Variants in CAAP1 observed in about 807,000 individuals in gnomAD.
CAAP1 encodes conserved anti-apoptotic protein.
In CAAP1, 20 loss-of-function variants were observed where a neutral mutation model predicts 34.0. That is an observed-to-expected ratio of 0.59 (90% CI 0.41 to 0.86). The LOEUF (loss-of-function observed/expected upper bound fraction) is 0.86. Ranked by LOEUF, CAAP1 falls within the 40% of genes least tolerant of loss-of-function variation. The pLI is 0.00. For missense variants in CAAP1, 538 were observed against 450.5 expected (o/e 1.19, Z -1.76); for synonymous variants, 213 against 166.7 (o/e 1.28, Z -2.14).
chr9:26,886,436 G>C (rs1823741128), intron 2 of CAAP1, among the ~76,000 whole-genome samples: 2 of 152,114 alleles, frequency 1.3e-5, no homozygotes, highest in African/African-American at 4.8e-5. Flanking sequence ...ACTAAAGAGT[G>C]AGTCAGTTTC....
intron 2 of CAAP1, 122 bp downstream of exon 2, chr9:26,887,191 G>A (rs1413664856): frequency 3.1e-5 from 19 of 609,844 alleles, no homozygotes; most frequent in Non-Finnish European, 4.3e-5. Context: ...CAGCCTGGGC[G>A]ACAGAGCAAG....
chr9:26,892,391 G>T (rs746901593), intron 1 of CAAP1, 22 bp downstream of exon 1: 229 of 1,603,110 alleles, frequency 1.4e-4, no homozygotes, highest in Non-Finnish European at 1.9e-4. Context: ...TCCAGGAAGC[G>T]GCCAGAGGGG....
chr9:26,862,027 T>C (rs964501524), intron 4 of CAAP1, among the ~76,000 whole-genome samples: 18 of 152,186 alleles, frequency 1.2e-4, no homozygotes, highest in South Asian at 2.1e-4. Flanking sequence ...ACTGCACTAA[T>C]ACAAGCCCAA....
At chr9:26,877,135 C>T (rs963947621) in intron 4 of CAAP1, among the ~76,000 whole-genome samples, 18 of 152,056 alleles carry the variant, frequency 1.2e-4, no homozygotes, top group African/African-American at 4.3e-4. Context: ...AAGAGCGAGA[C>T]CTGCCTCTAA....
At chr9:26,875,211 C>G (rs1823397564) in intron 4 of CAAP1, among the ~76,000 whole-genome samples, 1 of 152,030 alleles carries the variant, frequency 6.6e-6, no homozygotes, top group African/African-American at 2.4e-5. Context: ...ATGGTGAAAC[C>G]CCAACTCTAC....
chr9:26,874,171 C>T (rs1324865767), intron 4 of CAAP1, among the ~76,000 whole-genome samples: 3 of 129,980 alleles, frequency 2.3e-5, no homozygotes, highest in Admixed American at 9.1e-5. Flanking sequence ...CACACCACTG[C>T]ACTCAAGCCT....
chr9:26,846,443 G>A (rs1327173968), intron 5 of CAAP1, among the ~76,000 whole-genome samples: 1,505 of 127,008 alleles, frequency 0.012, 36 homozygotes, highest in African/African-American at 0.045. Flanking sequence ...AAAAAAAGAA[G>A]AAGAAAAAAA....
chr9:26,885,064 T>C (rs969822415), intron 3 of CAAP1, among the ~76,000 whole-genome samples, 179 bp from the exon 4 acceptor site: 2 of 151,368 alleles, frequency 1.3e-5, no homozygotes, highest in Admixed American at 1.3e-4. Flanking sequence ...TTATTAGGTA[T>C]TTCTCATTGC....
At chr9:26,859,475 T>A (rs926331418) in intron 5 of CAAP1, among the ~76,000 whole-genome samples, 2 of 152,194 alleles carry the variant, frequency 1.3e-5, no homozygotes, top group African/African-American at 4.8e-5. Flanking sequence ...GCTTTTCTTA[T>A]CCTTTATAGA....
intron 1 of CAAP1, among the ~76,000 whole-genome samples, chr9:26,889,196 C>T (rs1175381967): frequency 1.3e-5 from 2 of 151,740 alleles, no homozygotes; most frequent in Non-Finnish European, 2.9e-5. Flanking sequence ...GCGAACGGAT[C>T]ACCTGAGGTC....
chr9:26,885,577 T>C lies in CAAP1; in HGVS notation c.589+527A>G, dbSNP rs1173897769. 2.0e-5 allele frequency among the ~76,000 whole-genome samples: 3 copies of C among 152,028 alleles called. No homozygotes were observed. In the East Asian group the frequency reaches 5.8e-4, roughly 29 times the overall value. On this transcript the variant is annotated intron_variant, in intron 3 of 5. Coordinates refer to ENST00000333916, the MANE Select transcript of CAAP1 (RefSeq NM_024828.4). The stretch of plus-strand genomic sequence containing the variant: ...TTCTGTCATGTTAAAGCTAAAATCC[T>C]TGCAAAGTCCCAAAAGAAAAAAAAA...
In CAAP1 at chr9:26,847,304, T is replaced by A. The variant is rs58366419; in HGVS notation, c.740-4657A>T. 3.9e-3 allele frequency among the ~76,000 whole-genome samples: 506 copies of A among 128,888 alleles called. 21 individuals carry two copies. The East Asian group carries it at 0.12, about 30-fold the overall frequency. 84.6% of individuals were successfully genotyped at this position (128,888 alleles called of 152,430 possible). A position where few individuals can be genotyped will look rare whatever the true frequency, so the allele number is the denominator to read the frequency against. ...ATCTCGGCTCACTGCAAGCTCCACC[T>A]CCCGGGTTCACGCCATTCTCCCGCC... On this transcript the variant is annotated intron_variant, in intron 5 of 5. Coordinates refer to ENST00000333916, the MANE Select transcript of CAAP1 (RefSeq NM_024828.4).
chr9:26,883,360 C>T (rs980428735), intron 4 of CAAP1, among the ~76,000 whole-genome samples: 4 of 152,104 alleles, frequency 2.6e-5, no homozygotes, highest in South Asian at 4.1e-4. Context: ...CTCTTGCTGC[C>T]GCCATGTATG....
At chr9:26,871,797 C>T (rs1444242930) in intron 4 of CAAP1, among the ~76,000 whole-genome samples, 3 of 151,466 alleles carry the variant, frequency 2.0e-5, no homozygotes, top group Non-Finnish European at 1.5e-5. Flanking sequence ...GCGGCGGGTG[C>T]CAACTACTTA....
chr9:26,861,950 T>A (rs1250708308), intron 4 of CAAP1, among the ~76,000 whole-genome samples: 1 of 152,224 alleles, frequency 6.6e-6, no homozygotes, highest in African/African-American at 2.4e-5. Context: ...TGTGATCATT[T>A]CTTTGAGAAG....
At chr9:26,877,511 T>C (rs963471833) in intron 4 of CAAP1, among the ~76,000 whole-genome samples, 4 of 152,222 alleles carry the variant, frequency 2.6e-5, no homozygotes, top group Non-Finnish European at 4.4e-5. Context: ...CATTCCTGCC[T>C]ATCTGCATCC....
chr9:26,890,902 G>C (rs1338918432), intron 1 of CAAP1, among the ~76,000 whole-genome samples: 1 of 152,022 alleles, frequency 6.6e-6, no homozygotes, highest in South Asian at 2.1e-4. Flanking sequence ...CCGGGATCAC[G>C]CCACTGCACT....
At chr9:26,863,014 T>C (rs973767880) in intron 4 of CAAP1, among the ~76,000 whole-genome samples, 1 of 152,156 alleles carries the variant, frequency 6.6e-6, no homozygotes, top group Non-Finnish European at 1.5e-5. Context: ...TGGATGTTTC[T>C]TGTACTATTC....
chr9:26,851,969 G>A (rs1316630825), intron 5 of CAAP1, among the ~76,000 whole-genome samples: 1 of 152,104 alleles, frequency 6.6e-6, no homozygotes, highest in Non-Finnish European at 1.5e-5. Context: ...CACTGCTTTT[G>A]CTTGTTTAAA....
Sources: allele counts gnomAD v4.1 joint callset (sites outside exome capture counted in the v4.1 genomes callset), GRCh38; gene constraint gnomAD v4.1.1; transcripts MANE v1.5; gene names NCBI Gene and HGNC (gene_info 2026-07-23, HGNC 2026-07-21).